Variants in PCSK6 observed in about 807,000 individuals in gnomAD.
The protein encoded by PCSK6 is proprotein convertase subtilisin/kexin type 6, also known as paired basic amino acid cleaving enzyme 4.
PCSK6 carries 85 observed loss-of-function variants against 123.3 expected under a neutral mutation model. The observed-to-expected ratio is 0.69, with a 90% CI of 0.58 to 0.83. The LOEUF (loss-of-function observed/expected upper bound fraction) is 0.83, where lower values mean the gene tolerates loss of function less well. Among genes scored for constraint, PCSK6 ranks in the 40% least tolerant of loss-of-function variants. The pLI, the probability that PCSK6 is intolerant of heterozygous loss-of-function variation, is 0.00. For missense variants in PCSK6, 1,191 were observed against 1,282.3 expected, an observed-to-expected ratio of 0.93 and a Z score of 1.09; for synonymous variants, 508 against 516.0, an observed-to-expected ratio of 0.98 and a Z score of 0.21.
chr15:101,344,088 A>AT (rs1221910595), intron 13 of PCSK6, among the ~76,000 whole-genome samples: 3 of 151,222 alleles, frequency 2.0e-5, no homozygotes, highest in Non-Finnish European at 4.4e-5. Context: ...AAAAAAAAAT[A>AT]AATAAATAAA....
At chr15:101,392,445 G>A (rs2042259647) in intron 8 of PCSK6, among the ~76,000 whole-genome samples, 1 of 152,176 alleles carries the variant, frequency 6.6e-6, no homozygotes, top group Non-Finnish European at 1.5e-5. Context: ...TGGCTGAGCA[G>A]CCGCAGAAAT....
chr15:101,398,320 G>C lies in PCSK6; in HGVS notation c.996+84C>G, dbSNP rs2042477571. On this transcript the variant is annotated intron_variant, in intron 7 of 21. Coordinates refer to ENST00000611716, the MANE Select transcript of PCSK6 (RefSeq NM_002570.5). The surrounding 1 kb of genome is among the most constrained non-coding windows in gnomAD (Gnocchi z 4.6). ...CTTCCCTGTCTTGTTTCAGGGCTGTGGCCAGTGTCACTCTGATACTTGTTA... is the reference window on the plus strand; with the variant it reads ...CTTCCCTGTCTTGTTTCAGGGCTGTCGCCAGTGTCACTCTGATACTTGTTA... 1.4e-6 allele frequency: 2 copies of C among 1,460,060 alleles called. No homozygotes were observed. The allele number at this position is 1,460,060 out of a possible 1,614,324, so 90.4% of individuals were successfully genotyped here. A position where few individuals can be genotyped will look rare whatever the true frequency, so the allele number is the denominator to read the frequency against.
Position 101,320,875 on chromosome 15 carries a change from C to T in PCSK6, c.2465+1645G>A, listed in dbSNP as rs927345332. On this transcript the variant is annotated intron_variant, in intron 18 of 21. Coordinates refer to ENST00000611716, the MANE Select transcript of PCSK6 (RefSeq NM_002570.5). The stretch of plus-strand genomic sequence containing the variant: ...GAGTTTGCACGCCTCTCTGAAAGCT[C>T]GTCAGTGACGGAAGCACTGCCTCTA... Among the ~76,000 whole-genome samples the T allele has an allele frequency of 7.2e-5, 11 of 152,334 alleles. No homozygotes were observed. The East Asian group carries it at 1.9e-3, about 27-fold the overall frequency.
intron 13 of PCSK6, among the ~76,000 whole-genome samples, chr15:101,332,807 C>T (rs1474421627): frequency 2.0e-5 from 3 of 152,218 alleles, no homozygotes; most frequent in Non-Finnish European, 2.9e-5. Context: ...CCACAGGGAG[C>T]GATGGCCCAT....
chr15:101,338,850 C>A (rs2040540450), intron 13 of PCSK6, among the ~76,000 whole-genome samples: 1 of 152,184 alleles, frequency 6.6e-6, no homozygotes, highest in African/African-American at 2.4e-5. Flanking sequence ...CAATGAAGGC[C>A]AGGGAATGTC....
chr15:101,336,068 T>C (rs142700219), intron 13 of PCSK6, among the ~76,000 whole-genome samples: 136 of 152,364 alleles, frequency 8.9e-4, no homozygotes, highest in African/African-American at 2.8e-3. Flanking sequence ...AAATGTCATT[T>C]TGCAGCACAC....
At chr15:101,406,229 C>G (rs1364118422) in intron 6 of PCSK6, among the ~76,000 whole-genome samples, 1 of 152,158 alleles carries the variant, frequency 6.6e-6, no homozygotes, top group Non-Finnish European at 1.5e-5. Flanking sequence ...CACACACACA[C>G]ACGCACACAT....
At chr15:101,333,306 A>G (rs1034028512) in intron 13 of PCSK6, among the ~76,000 whole-genome samples, 1 of 152,156 alleles carries the variant, frequency 6.6e-6, no homozygotes, top group African/African-American at 2.4e-5. Flanking sequence ...CAGCCTTTCA[A>G]TGTTTGTTTC....
chr15:101,330,887 C>T lies in PCSK6; in HGVS notation c.2077+764G>A, dbSNP rs554660249. ...AGAAGAAATTTAAAATGGAATTGAC[C>T]GTAATTTATACTTGATATGTGTTGG... On this transcript the variant is annotated intron_variant, in intron 15 of 21. Transcript: ENST00000611716. 3.3e-5 allele frequency among the ~76,000 whole-genome samples: 5 copies of T among 152,188 alleles called. 1 individual carries two copies. The highest frequency in any genetic ancestry group is 3.9e-4 in the East Asian group (2 of 5,186).
At chr15:101,348,174 G>GCCC (rs149793775) in intron 13 of PCSK6, among the ~76,000 whole-genome samples, 31,975 of 151,964 alleles carry the variant, frequency 0.21, 4,259 homozygotes, top group Admixed American at 0.29. Context: ...GGGTCGGACC[G>GCCC]GCCCCTGCGC....
intron 13 of PCSK6, among the ~76,000 whole-genome samples, chr15:101,358,221 G>A (rs1340633497): frequency 6.6e-6 from 1 of 152,186 alleles, no homozygotes; most frequent in Non-Finnish European, 1.5e-5. Flanking sequence ...GGCAATGCCT[G>A]GCACTTCATT....
intron 1 of PCSK6, among the ~76,000 whole-genome samples, chr15:101,481,203 T>G (rs188763632): frequency 9.2e-5 from 14 of 152,222 alleles, no homozygotes; most frequent in Admixed American, 7.8e-4. Flanking sequence ...AACGTCCAGG[T>G]GGCAGGGGGC....
intron 1 of PCSK6, among the ~76,000 whole-genome samples, chr15:101,481,961 T>G (rs910425112): frequency 1.3e-5 from 2 of 152,080 alleles, no homozygotes; most frequent in African/African-American, 4.8e-5. Flanking sequence ...GACAGAGCCA[T>G]GCTGGTGTGC....
intron 13 of PCSK6, among the ~76,000 whole-genome samples, chr15:101,335,916 T>C (rs2040466559): frequency 6.6e-6 from 1 of 152,252 alleles, no homozygotes. Context: ...AGGATGGTGC[T>C]GTATGGAATA....
intron 11 of PCSK6, among the ~76,000 whole-genome samples, chr15:101,374,638 G>A (rs1342027740): frequency 6.6e-6 from 1 of 152,220 alleles, no homozygotes; most frequent in Non-Finnish European, 1.5e-5. Context: ...GGGAGGAGAG[G>A]CTAAAGAACT....
chr15:101,450,772 G>C (rs141242963), intron 1 of PCSK6, among the ~76,000 whole-genome samples: 4 of 152,076 alleles, frequency 2.6e-5, no homozygotes, highest in South Asian at 2.1e-4. Flanking sequence ...CTCTCTCTCA[G>C]TCCCCGTCCC....
Position 101,322,384 on chromosome 15 carries a change from C to T in PCSK6, c.2465+136G>A, listed in dbSNP as rs78337488. The T allele has an allele frequency of 5.5e-5, 35 of 633,774 alleles. No individual in the cohort carries two copies. The East Asian group carries it at 7.7e-4, about 14-fold the overall frequency. The allele number at this position is 633,774 out of a possible 1,614,324, so 39.3% of individuals were successfully genotyped here. On this transcript the variant is annotated intron_variant, in intron 18 of 21. Coordinates refer to ENST00000611716, the MANE Select transcript of PCSK6 (RefSeq NM_002570.5). ...AAGTGGACACACGATTTCCAGGACTCGGAATCTTTACCCTCAATGGCTTTG... is the reference window on the plus strand; with the variant it reads ...AAGTGGACACACGATTTCCAGGACTTGGAATCTTTACCCTCAATGGCTTTG...
At chr15:101,446,900 T>C (rs895644216) in intron 1 of PCSK6, among the ~76,000 whole-genome samples, 3 of 152,206 alleles carry the variant, frequency 2.0e-5, no homozygotes, top group African/African-American at 7.2e-5. Flanking sequence ...TCCTTCTGTC[T>C]GACTCATGTG....
chr15:101,364,303 C>T (rs566878029), intron 13 of PCSK6, among the ~76,000 whole-genome samples: 5 of 152,146 alleles, frequency 3.3e-5, no homozygotes, highest in African/African-American at 9.7e-5. Flanking sequence ...ATTCTGTAAA[C>T]GTTACTATGC....
Sources: allele counts gnomAD v4.1 joint callset (sites outside exome capture counted in the v4.1 genomes callset), GRCh38; gene constraint gnomAD v4.1.1; non-coding constraint Gnocchi (gnomAD v3.1); transcripts MANE v1.5; gene names NCBI Gene and HGNC (gene_info 2026-07-23, HGNC 2026-07-21).